SFI1: variants seen among roughly 807,000 people sequenced by gnomAD.
SFI1 encodes SFI1 centrin binding protein, also known as protein SFI1 homolog.
A neutral mutation model predicts 207.5 loss-of-function variants in SFI1; 195 were observed. The ratio of observed to expected loss-of-function variants is 0.94; its 90% confidence interval spans 0.84 to 1.06. SFI1 has a LOEUF of 1.06. SFI1 is among the 50% of genes least tolerant of loss of function. SFI1 has a pLI of 0.00. For missense variants in SFI1, 1,634 were observed against 1,588.0 expected (o/e 1.03, Z -0.49); for synonymous variants, 630 against 598.9 (o/e 1.05, Z -0.76).
At position 31,550,260 on chromosome 22, in the gene SFI1, C is replaced by A; in HGVS notation, c.456C>A (p.Tyr152Ter). Residue 152 changes from tyrosine to a stop codon, truncating the protein, a stop_gained, in exon 6 of 33, where the codon TAC becomes TAA. Coordinates refer to ENST00000400288, the MANE Select transcript of SFI1 (RefSeq NM_001007467.3). LOFTEE classifies it high-confidence loss of function. The stretch of plus-strand genomic sequence containing the variant: ...ACTTTTTTTGGCTCCTCAGGTATTA[C>A]CTGTACAACCTGATGTTCCAGACGT... ...CVRADCHYRY[Y>*]LYNLMFQTWK... 1 of 1,613,810 alleles carries A rather than the reference C, an allele frequency of 6.2e-7. No homozygotes were observed. The highest frequency in any genetic ancestry group is 1.7e-5 in the Admixed American group (1 of 59,962).
chr22:31,516,928 T>C (rs1464668159), intron 2 of SFI1, among the ~76,000 whole-genome samples: 1 of 151,986 alleles, frequency 6.6e-6, no homozygotes, highest in African/African-American at 2.4e-5. Flanking sequence ...CACTCCAGCC[T>C]GGGCAACAAG....
Position 31,533,422 on chromosome 22 carries a change from A to G in SFI1, c.338+2293A>G, listed in dbSNP as rs1028561365. ...GCAGGTGCCTGTAATTCCAGCTACT[A>G]GGGAGGCTGAAGCAGGAGAATTGTT... is the stretch of plus-strand genomic sequence containing the variant. On this transcript the variant is annotated intron_variant, in intron 4 of 32. Coordinates refer to ENST00000400288, the MANE Select transcript of SFI1 (RefSeq NM_001007467.3). Among the ~76,000 whole-genome samples the G allele has an allele frequency of 3.3e-5, 5 of 152,200 alleles. No homozygotes were observed. The East Asian group carries it at 9.7e-4, about 29-fold the overall frequency.
At chr22:31,577,672 A>G (rs1394439412) in intron 10 of SFI1, among the ~76,000 whole-genome samples, 1 of 152,204 alleles carries the variant, frequency 6.6e-6, no homozygotes, top group Non-Finnish European at 1.5e-5. Context: ...TTGAGGCTAC[A>G]GTGAACTATG....
chr22:31,575,382 C>T lies in SFI1; in HGVS notation c.1074C>T (p.His358=). 1.2e-6 allele frequency: 2 copies of T among 1,606,914 alleles called. No individual in the cohort carries two copies. Among genetic ancestry groups the T allele is most frequent in the South Asian group, 1.1e-5 (1 of 89,510 alleles). Residue 358 remains histidine (H), a synonymous_variant, in exon 10 of 33, where the codon CAC becomes CAT. Coordinates refer to ENST00000400288, the MANE Select transcript of SFI1 (RefSeq NM_001007467.3). Reference sequence around the variant, plus strand: ...TGGCCCTGCGGCGCGCCTTTACTCACTGGAAACACTGTATCCTTTCAGATA... The same window carrying T: ...TGGCCCTGCGGCGCGCCTTTACTCATTGGAAACACTGTATCCTTTCAGATA... The part of the protein sequence containing the change: ...RKMALRRAFT[H]WKHYMLLCAE...
chr22:31,552,258 C>T (rs1569289496), intron 6 of SFI1, among the ~76,000 whole-genome samples: 2 of 148,772 alleles, frequency 1.3e-5, no homozygotes, highest in Non-Finnish European at 3.0e-5. Context: ...TATTTTCTTT[C>T]TTTTTTTTTT....
intron 24 of SFI1, chr22:31,612,394 A>ATATAT (rs1367477107): frequency 9.3e-6 from 1 of 107,344 alleles, no homozygotes; most frequent in African/African-American, 3.7e-5. Flanking sequence ...AAAAAAAAAA[A>ATATAT]AAAAATATAT....
At chr22:31,570,122 CAATAAATA>C (rs59801672) in intron 8 of SFI1, among the ~76,000 whole-genome samples, 86 of 146,814 alleles carry the variant, frequency 5.9e-4, no homozygotes, top group East Asian at 2.2e-3. Flanking sequence ...GAGACTCTGT[CAATAAATA>C]AATAAATAAA....
chr22:31,610,529 T>C (rs914122493), intron 22 of SFI1, among the ~76,000 whole-genome samples: 2 of 152,144 alleles, frequency 1.3e-5, no homozygotes, highest in African/African-American at 4.8e-5. Context: ...TGTTCTGTTG[T>C]CTCAAAAAGA....
chr22:31,599,140 GA>G (rs150549337), intron 15 of SFI1, among the ~76,000 whole-genome samples: 12,859 of 151,640 alleles, frequency 0.085, 952 homozygotes, highest in East Asian at 0.39. Flanking sequence ...TCCTCCCTAA[GA>G]AATATTTGCT....
chr22:31,582,224 ATATATATATATATTT>A (rs2064348981), intron 12 of SFI1, among the ~76,000 whole-genome samples: 1 of 33,912 alleles, frequency 2.9e-5, no homozygotes, highest in African/African-American at 1.1e-4. Context: ...ATATATATAT[ATATATATATATATTT>A]TTTTTTTTTT....
In SFI1 at chr22:31,609,999, G is replaced by A. The variant is rs947073285; in HGVS notation, c.2255-1144G>A. On this transcript the variant is annotated intron_variant, in intron 22 of 32. Coordinates refer to ENST00000400288, the MANE Select transcript of SFI1 (RefSeq NM_001007467.3). Reference sequence around the variant, plus strand: ...TGAAGGACTTTCCTTAGAGGGAGGCGGTGGCAGGCTTGGGTTGCCACGTCC... The same window carrying A: ...TGAAGGACTTTCCTTAGAGGGAGGCAGTGGCAGGCTTGGGTTGCCACGTCC... Among the ~76,000 whole-genome samples the A allele has an allele frequency of 3.9e-5, 6 of 152,198 alleles. No individual in the cohort carries two copies. The South Asian group carries it at 6.2e-4, about 16-fold the overall frequency.
Position 31,550,430 on chromosome 22 carries a change from CAGAG to C in SFI1, c.544+89_544+92del, listed in dbSNP as rs1185446631. 2.2e-5 allele frequency: 23 copies of C among 1,065,532 alleles called. No individual in the cohort carries two copies. In the Admixed American group the frequency reaches 5.1e-4, roughly 23 times the overall value. 66.0% of individuals were successfully genotyped at this position (1,065,532 alleles called of 1,614,324 possible). A position where few individuals can be genotyped will look rare whatever the true frequency, so the allele number is the denominator to read the frequency against. On this transcript the variant is annotated intron_variant, in intron 6 of 32. Coordinates refer to ENST00000400288, the MANE Select transcript of SFI1 (RefSeq NM_001007467.3). ...CATAGGAAGGACAAACACATTGTCT[CAGAG>C]AGAGAGGAACTCTAGGCCAAAGGAA...
intron 6 of SFI1, 107 bp downstream of exon 6, chr22:31,550,455 A>G: frequency 1.2e-6 from 1 of 828,076 alleles, no homozygotes; most frequent in East Asian, 2.6e-5. Context: ...TCTAGGCCAA[A>G]GGAAGATTTG....
At chr22:31,516,569 A>G (rs2056537661) in intron 2 of SFI1, among the ~76,000 whole-genome samples, 1 of 152,050 alleles carries the variant, frequency 6.6e-6, no homozygotes, top group African/African-American at 2.4e-5. Flanking sequence ...CTGTAATCCC[A>G]GCACTTTGGA....
At chr22:31,574,976 TG>T (rs2063319932) in intron 9 of SFI1, among the ~76,000 whole-genome samples, 2 of 150,178 alleles carry the variant, frequency 1.3e-5, no homozygotes, top group South Asian at 4.2e-4. Flanking sequence ...GGAGAATCGC[TG>T]GAACCTGGGA....
intron 4 of SFI1, among the ~76,000 whole-genome samples, chr22:31,532,402 C>T (rs1004392644): frequency 1.3e-5 from 2 of 152,140 alleles, no homozygotes; most frequent in Non-Finnish European, 2.9e-5. Flanking sequence ...TCAGGGACAC[C>T]ATACAGAAGG....
intron 22 of SFI1, among the ~76,000 whole-genome samples, chr22:31,608,754 C>T (rs146626394): frequency 6.6e-6 from 1 of 152,176 alleles, no homozygotes; most frequent in Non-Finnish European, 1.5e-5. Flanking sequence ...TGTTAGCGTC[C>T]TGCTTCCTTG....
chr22:31,613,445 T>A lies in SFI1; in HGVS notation c.2657T>A (p.Leu886His). ...CTCCAGGCCTACCAGGGGCAGCTCC[T>A]CCAGGAGGGTGCCACGCGGCTCCTG... ...WALQAYQGQL[L>H]QEGATRLLRF... Residue 886 changes from leucine to histidine, a missense_variant, in exon 26 of 33, where the codon CTC (leucine) becomes CAC (histidine). Transcript: ENST00000400288. 6.2e-7 allele frequency: 1 copy of A among 1,607,828 alleles called. No homozygotes were observed. Among genetic ancestry groups the A allele is most frequent in the Non-Finnish European group, 8.5e-7 (1 of 1,179,650 alleles).
chr22:31,611,376 T>C, intron 23 of SFI1, 73 bp downstream of exon 23: 1 of 1,484,700 alleles, frequency 6.7e-7, no homozygotes. Flanking sequence ...AGACCATTTC[T>C]CAGGAAGGGG....
Sources: allele counts gnomAD v4.1 joint callset (sites outside exome capture counted in the v4.1 genomes callset), GRCh38; gene constraint gnomAD v4.1.1; transcripts MANE v1.5; gene names NCBI Gene and HGNC (gene_info 2026-07-23, HGNC 2026-07-21).